SYNPO2: variants seen among roughly 807,000 people sequenced by gnomAD.
The protein encoded by SYNPO2 is synaptopodin 2, also known as synaptopodin-2.
In SYNPO2, 56 loss-of-function variants were observed where a neutral mutation model predicts 85.0. The observed-to-expected ratio is 0.66, with a 90% CI of 0.53 to 0.82. SYNPO2 has a LOEUF of 0.82. Ranked by LOEUF, SYNPO2 falls within the 40% of genes least tolerant of loss-of-function variation. The probability of loss-of-function intolerance (pLI) is 0.00; values close to 1 mark genes in which losing one functional copy is unlikely to be tolerated. For missense variants in SYNPO2, 1,575 were observed against 1,534.2 expected (o/e 1.03, Z -0.44); for synonymous variants, 602 against 591.1 (o/e 1.02, Z -0.27).
chr4:118,945,455 CAT>C (rs528935159), intron 1 of SYNPO2, among the ~76,000 whole-genome samples: 14 of 152,156 alleles, frequency 9.2e-5, no homozygotes, highest in Non-Finnish European at 2.1e-4. Context: ...GACACTGAAA[CAT>C]ATCTTACCTG....
chr4:118,853,953 A>G (rs749995922), intron 1 of SYNPO2, among the ~76,000 whole-genome samples: 60 of 152,188 alleles, frequency 3.9e-4, no homozygotes, highest in Non-Finnish European at 7.9e-4. Context: ...TGACTATCCT[A>G]TGGTGTAAAC....
chr4:119,031,110 G>GTCTGGTCTC lies in SYNPO2; in HGVS notation c.2336_2344dup (p.Ser781_Pro782insLeuTrpSer). On this transcript the variant is annotated inframe_insertion, in exon 4 of 5. Transcript: ENST00000307142. ...CCAACCAGTAACTCCAGTTTCCCCAGTCTGGTCTCCAGGAGTGGCTCCCAC... is the reference window on the plus strand; with the variant it reads ...CCAACCAGTAACTCCAGTTTCCCCAGTCTGGTCTCTCTGGTCTCCAGGAGTGGCTCCCAC... The GTCTGGTCTC allele has an allele frequency of 2.5e-6, 4 of 1,614,062 alleles. No individual in the cohort carries two copies. The highest frequency in any genetic ancestry group is 3.4e-6 in the Non-Finnish European group (4 of 1,179,996).
rs367624771 is a variant in SYNPO2 at position 119,012,602 on chromosome 4, T to C, written c.106-10828T>C. Among the ~76,000 whole-genome samples, 17 of 152,188 alleles carry C rather than the reference T, an allele frequency of 1.1e-4. No individual in the cohort carries two copies. In the East Asian group the frequency reaches 3.3e-3, roughly 29 times the overall value. On this transcript the variant is annotated intron_variant, in intron 1 of 4. Coordinates refer to ENST00000307142, the MANE Select transcript of SYNPO2 (RefSeq NM_133477.3). ...TGTGATGTTTCCCCTCCTGTGTCCA[T>C]GTGTTCTCATTGTTCAACTCCCACT...
chr4:118,964,483 C>A (rs1019419935), intron 1 of SYNPO2, among the ~76,000 whole-genome samples: 6 of 150,694 alleles, frequency 4.0e-5, no homozygotes. Context: ...GAGTGAGAGC[C>A]TGTCTCAAAA....
chr4:118,914,068 G>C (rs1733229216), intron 1 of SYNPO2, among the ~76,000 whole-genome samples: 1 of 152,146 alleles, frequency 6.6e-6, no homozygotes, highest in African/African-American at 2.4e-5. Flanking sequence ...AAATTAGAAG[G>C]ATATAGGATA....
At chr4:119,004,862 A>G (rs563558197) in intron 1 of SYNPO2, among the ~76,000 whole-genome samples, 2,802 of 151,858 alleles carry the variant, frequency 0.018, 70 homozygotes, top group African/African-American at 0.064. Flanking sequence ...AAGTGTTCCT[A>G]TTTCTCCACA....
chr4:118,869,286 C>T (rs944988790), intron 1 of SYNPO2, among the ~76,000 whole-genome samples: 1 of 152,208 alleles, frequency 6.6e-6, no homozygotes, highest in Middle Eastern at 3.4e-3. Context: ...TCAAACTCTT[C>T]ACCTCAGGTG....
chr4:118,996,833 G>T (rs1736616457), intron 1 of SYNPO2, among the ~76,000 whole-genome samples: 1 of 150,160 alleles, frequency 6.7e-6, no homozygotes, highest in South Asian at 2.1e-4. Context: ...CTCCAGCCTG[G>T]GTGACAGAGT....
At chr4:118,882,603 C>G (rs1414247457) in intron 1 of SYNPO2, among the ~76,000 whole-genome samples, 1 of 152,072 alleles carries the variant, frequency 6.6e-6, no homozygotes, top group African/African-American at 2.4e-5. Flanking sequence ...TGTGCTCTCT[C>G]TCTCTCACAC....
intron 4 of SYNPO2, among the ~76,000 whole-genome samples, chr4:119,053,165 C>T (rs534225299): frequency 1.3e-5 from 2 of 152,164 alleles, no homozygotes; most frequent in Non-Finnish European, 2.9e-5. Context: ...GCCAGCCAAA[C>T]AGAGAACAGC....
chr4:119,024,127 C>T (rs1281853884), intron 2 of SYNPO2, among the ~76,000 whole-genome samples: 1 of 152,190 alleles, frequency 6.6e-6, no homozygotes, highest in Non-Finnish European at 1.5e-5. Context: ...ACGACCAACA[C>T]AGGTCATTTG....
intron 1 of SYNPO2, among the ~76,000 whole-genome samples, chr4:118,854,527 A>G (rs1316667775): frequency 6.6e-6 from 1 of 152,226 alleles, no homozygotes; most frequent in African/African-American, 2.4e-5. Flanking sequence ...CATTCTGTCA[A>G]GAAACAGCTG....
chr4:118,954,930 G>T (rs540972057), intron 1 of SYNPO2, among the ~76,000 whole-genome samples: 25 of 151,440 alleles, frequency 1.7e-4, no homozygotes, highest in South Asian at 2.1e-4. Context: ...AAAATACATT[G>T]CCCAAGCCCA....
rs1739290882 is a variant in SYNPO2, at chr4:119,058,464, C to CA, written c.*530_*531insA. 1 of 109,364 alleles carries CA rather than the reference C, an allele frequency of 9.1e-6. No homozygotes were observed. Among genetic ancestry groups the CA allele is most frequent in the Admixed American group, 1.2e-4 (1 of 8,108 alleles). The allele number at this position is 109,364 out of a possible 1,614,324, so 6.8% of individuals were successfully genotyped here. Reference sequence around the variant, plus strand: ...CTTGGTGTTAAGTATTTCTCTGCAACTTTTTTTTTTTTTTTTTTTTTTTTT... The same window carrying CA: ...CTTGGTGTTAAGTATTTCTCTGCAACATTTTTTTTTTTTTTTTTTTTTTTTT... On this transcript the variant is annotated 3_prime_UTR_variant, in exon 5 of 5. Transcript: ENST00000307142.
At chr4:119,005,369 T>TG in intron 1 of SYNPO2, among the ~76,000 whole-genome samples, 1 of 152,074 alleles carries the variant, frequency 6.6e-6, no homozygotes, top group African/African-American at 2.4e-5. Context: ...AGGTCTAACA[T>TG]TATAGTCTTT....
At chr4:118,991,836 T>C (rs527920409) in intron 1 of SYNPO2, among the ~76,000 whole-genome samples, 99 of 152,176 alleles carry the variant, frequency 6.5e-4, no homozygotes, top group Middle Eastern at 3.4e-3. Flanking sequence ...AGGAGGAGCA[T>C]TGTAAGCAGA....
intron 4 of SYNPO2, among the ~76,000 whole-genome samples, chr4:119,052,589 G>C (rs1007235496): frequency 5.9e-5 from 9 of 152,180 alleles, no homozygotes; most frequent in Admixed American, 5.9e-4. Context: ...AGAAGGCAGA[G>C]TTAGCGACCT....
At chr4:118,906,046 G>A (rs1466533023) in intron 1 of SYNPO2, among the ~76,000 whole-genome samples, 1 of 152,098 alleles carries the variant, frequency 6.6e-6, no homozygotes, top group Non-Finnish European at 1.5e-5. Context: ...ATGCTTTCAA[G>A]ATGAATGATT....
intron 1 of SYNPO2, among the ~76,000 whole-genome samples, chr4:119,022,512 G>GTTTTTTTT (rs778146297): frequency 1.1e-5 from 1 of 87,096 alleles, no homozygotes; most frequent in African/African-American, 4.2e-5. Context: ...TTTTTTGTAG[G>GTTTTTTTT]TTTTTTTTTT....
Sources: gnomAD v4.1 joint callset for allele counts (sites outside exome capture counted in the v4.1 genomes callset) on GRCh38, gnomAD v4.1.1 for gene constraint, MANE v1.5 for transcripts, NCBI Gene and HGNC (gene_info 2026-07-23, HGNC 2026-07-21) for gene names.